Variants in WWOX observed in about 807,000 individuals in gnomAD.
The protein encoded by WWOX is WW domain containing oxidoreductase.
WWOX carries 69 observed loss-of-function variants against 46.2 expected under a neutral mutation model. That is an observed-to-expected ratio of 1.49 (90% CI 1.23 to 1.82). WWOX has a LOEUF of 1.82. Among genes scored for constraint, WWOX ranks in the 40% most tolerant of loss-of-function variants. The probability of loss-of-function intolerance (pLI) is 0.00; values close to 1 mark genes in which losing one functional copy is unlikely to be tolerated. For missense variants in WWOX, 919 were observed against 542.6 expected (o/e 1.69, Z -6.89); for synonymous variants, 359 against 202.6 (o/e 1.77, Z -6.56).
chr16:78,629,956 CCCTTTTCCAGCAACTGTATTTGT>C (rs2046389708), intron 8 of WWOX, among the ~76,000 whole-genome samples: 2 of 152,092 alleles, frequency 1.3e-5, no homozygotes, highest in Admixed American at 1.3e-4. Flanking sequence ...AGTTAATTTT[CCCTTTTCCAGCAACTGTATTTGT>C]CCTCCCCACT....
At chr16:78,958,480 A>G (rs1196860614) in intron 8 of WWOX, among the ~76,000 whole-genome samples, 1 of 152,252 alleles carries the variant, frequency 6.6e-6, no homozygotes, top group Non-Finnish European at 1.5e-5. Context: ...TGGTTCTGAA[A>G]TAATTTAAAA....
chr16:78,874,043 C>T (rs1023373488), intron 8 of WWOX, among the ~76,000 whole-genome samples: 1 of 151,886 alleles, frequency 6.6e-6, no homozygotes, highest in South Asian at 2.1e-4. Context: ...GGGCGGATCA[C>T]AAGGTCAGGA....
intron 4 of WWOX, among the ~76,000 whole-genome samples, chr16:78,153,318 G>C (rs1027734610): frequency 9.9e-5 from 15 of 152,164 alleles, no homozygotes; most frequent in African/African-American, 3.6e-4. Flanking sequence ...TCAATGTCAT[G>C]TCACTGTAAT....
chr16:78,295,086 T>A (rs2079921919), intron 5 of WWOX, among the ~76,000 whole-genome samples: 1 of 152,102 alleles, frequency 6.6e-6, no homozygotes, highest in South Asian at 2.1e-4. Context: ...TGTAGGAGGA[T>A]GGTGGTTAAA....
At chr16:78,627,354 C>T (rs1047466648) in intron 8 of WWOX, among the ~76,000 whole-genome samples, 1 of 152,178 alleles carries the variant, frequency 6.6e-6, no homozygotes, top group Non-Finnish European at 1.5e-5. Context: ...GACCTGAATC[C>T]TAATTTTGGC....
chr16:78,997,396 G>T (rs922294260), intron 8 of WWOX, among the ~76,000 whole-genome samples: 3 of 152,096 alleles, frequency 2.0e-5, no homozygotes, highest in Non-Finnish European at 4.4e-5. Flanking sequence ...TTACCACGGT[G>T]ACACGCAAAA....
At chr16:78,466,976 C>T (rs781517582) in intron 8 of WWOX, among the ~76,000 whole-genome samples, 19 of 152,118 alleles carry the variant, frequency 1.2e-4, no homozygotes, top group Non-Finnish European at 2.2e-4. Flanking sequence ...AGAGGGACAC[C>T]GATCCCTACC....
chr16:78,999,399 G>T (rs1472643765), intron 8 of WWOX, among the ~76,000 whole-genome samples: 1 of 152,168 alleles, frequency 6.6e-6, no homozygotes, highest in Non-Finnish European at 1.5e-5. Flanking sequence ...CAACCCAGAA[G>T]GCGGAAGTTG....
chr16:78,212,674 C>T lies in WWOX; in HGVS notation c.516+48385C>T, dbSNP rs191754038. On this transcript the variant is annotated intron_variant, in intron 5 of 8. Coordinates refer to ENST00000566780, the MANE Select transcript of WWOX (RefSeq NM_016373.4). ...CAGCATAGAGAGGAACCAAAAAGGA[C>T]GCAAGATTTAGGATAGATATTGCCC... 3.0e-3 allele frequency among the ~76,000 whole-genome samples: 455 copies of T among 152,256 alleles called. 3 individuals carry two copies. The highest frequency in any genetic ancestry group is 0.01 in the African/African-American group (430 of 41,556).
chr16:78,216,577 C>T (rs1597363400), intron 5 of WWOX, among the ~76,000 whole-genome samples: 2 of 152,018 alleles, frequency 1.3e-5, no homozygotes, highest in African/African-American at 4.8e-5. Flanking sequence ...CTGCTATGGC[C>T]TCTTCATTTT....
chr16:78,599,320 A>G (rs1245299413), intron 8 of WWOX, among the ~76,000 whole-genome samples: 2 of 152,166 alleles, frequency 1.3e-5, no homozygotes, highest in African/African-American at 4.8e-5. Flanking sequence ...TAATCAATCC[A>G]CAGACATTGA....
At chr16:78,171,805 G>C (rs1476340405) in intron 5 of WWOX, among the ~76,000 whole-genome samples, 2 of 152,122 alleles carry the variant, frequency 1.3e-5, no homozygotes, top group African/African-American at 2.4e-5. Flanking sequence ...AACTATATAA[G>C]CCACTTGCTC....
chr16:79,107,250 T>G (rs572309060), intron 8 of WWOX, among the ~76,000 whole-genome samples: 202 of 151,834 alleles, frequency 1.3e-3, no homozygotes, highest in African/African-American at 4.8e-3. Flanking sequence ...CCAAAATGAC[T>G]TTTTATTTGT....
chr16:79,062,848 C>T (rs561491196), intron 8 of WWOX, among the ~76,000 whole-genome samples: 3 of 152,172 alleles, frequency 2.0e-5, no homozygotes, highest in African/African-American at 7.2e-5. Context: ...AATGTCGAAT[C>T]GGCATTGAAG....
chr16:78,596,440 AC>A (rs1453436950), intron 8 of WWOX, among the ~76,000 whole-genome samples: 1 of 150,004 alleles, frequency 6.7e-6, no homozygotes, highest in Non-Finnish European at 1.5e-5. Flanking sequence ...TGCTGTGGCA[AC>A]CCACAGCAGG....
At chr16:78,561,021 T>A (rs1397245752) in intron 8 of WWOX, among the ~76,000 whole-genome samples, 1 of 152,188 alleles carries the variant, frequency 6.6e-6, no homozygotes, top group Non-Finnish European at 1.5e-5. Flanking sequence ...AGGTGTCCGC[T>A]GGAGGAACAT....
At chr16:79,011,844 G>C (rs1308468748) in intron 8 of WWOX, among the ~76,000 whole-genome samples, 1 of 151,966 alleles carries the variant, frequency 6.6e-6, no homozygotes, top group East Asian at 1.9e-4. Flanking sequence ...TTTAGAAATG[G>C]GGTCTCACTA....
intron 5 of WWOX, among the ~76,000 whole-genome samples, chr16:78,242,143 C>T (rs1043813466): frequency 6.6e-6 from 1 of 152,198 alleles, no homozygotes; most frequent in Non-Finnish European, 1.5e-5. Context: ...ACTTTGTCTG[C>T]TTCTGCCTCG....
intron 8 of WWOX, among the ~76,000 whole-genome samples, chr16:78,696,846 C>T (rs1442298867): frequency 1.3e-5 from 2 of 152,088 alleles, no homozygotes; most frequent in Non-Finnish European, 2.9e-5. Context: ...CCCCAAAGTC[C>T]ATTGTATCAT....
Sources: allele counts gnomAD v4.1 joint callset (sites outside exome capture counted in the v4.1 genomes callset), GRCh38; gene constraint gnomAD v4.1.1; transcripts MANE v1.5; gene names NCBI Gene and HGNC (gene_info 2026-07-23, HGNC 2026-07-21).